SLC25A12: variants seen among roughly 807,000 people sequenced by gnomAD.
SLC25A12 encodes solute carrier family 25 member 12.
Under a neutral mutation model 83.3 loss-of-function variants are expected in SLC25A12, and 32 were observed. That is an observed-to-expected ratio of 0.38 (90% confidence interval 0.29 to 0.52). SLC25A12 has a LOEUF of 0.52. SLC25A12 is among the 20% of genes least tolerant of loss of function. The pLI is 0.84. For missense variants in SLC25A12, 611 were observed against 835.6 expected, an observed-to-expected ratio of 0.73 and a Z score of 3.31; for synonymous variants, 267 against 291.1, an observed-to-expected ratio of 0.92 and a Z score of 0.84.
At chr2:171,821,026 T>G (rs1684178281) in intron 9 of SLC25A12, among the ~76,000 whole-genome samples, 2 of 126,230 alleles carry the variant, frequency 1.6e-5, no homozygotes, top group Non-Finnish European at 3.4e-5. Context: ...TCTTTTTTTT[T>G]TTTTTTTTTT....
intron 4 of SLC25A12, chr2:171,845,784 G>A (rs1490667093): frequency 4.4e-6 from 2 of 455,186 alleles, no homozygotes; most frequent in Admixed American, 2.4e-5. Flanking sequence ...AAAGTTGGAA[G>A]AAGGCATTGG....
intron 13 of SLC25A12, among the ~76,000 whole-genome samples, chr2:171,796,660 T>C (rs1683603334): frequency 1.3e-5 from 2 of 151,908 alleles, no homozygotes; most frequent in African/African-American, 4.8e-5. Flanking sequence ...TTTTTTTTAG[T>C]AATTAGTATA....
chr2:171,892,205 A>T (rs779509469), intron 2 of SLC25A12, among the ~76,000 whole-genome samples: 2 of 150,702 alleles, frequency 1.3e-5, no homozygotes, highest in Non-Finnish European at 2.9e-5. Context: ...TTGGTGAAAC[A>T]CCTTAGCTTG....
chr2:171,864,618 C>T (rs749524522), intron 3 of SLC25A12, among the ~76,000 whole-genome samples: 2 of 152,176 alleles, frequency 1.3e-5, no homozygotes, highest in Admixed American at 6.5e-5. Flanking sequence ...CGCACACACA[C>T]GCCCCTTAAT....
chr2:171,871,716 C>T (rs1685461651), intron 2 of SLC25A12: 1 of 985,000 alleles, frequency 1.0e-6, no homozygotes, highest in South Asian at 4.7e-5. Context: ...TCAGGAATAG[C>T]ACAGATCAGA....
At chr2:171,807,425 C>T (rs1260099547) in intron 13 of SLC25A12, among the ~76,000 whole-genome samples, 1 of 152,202 alleles carries the variant, frequency 6.6e-6, no homozygotes, top group Non-Finnish European at 1.5e-5. Flanking sequence ...AGGAACTAAA[C>T]ATCTTATTTT....
At chr2:171,827,076 G>A (rs1684317958) in intron 8 of SLC25A12, among the ~76,000 whole-genome samples, 194 bp from the exon 9 acceptor site, 1 of 152,112 alleles carries the variant, frequency 6.6e-6, no homozygotes, top group Admixed American at 6.6e-5. Context: ...AAAGACTCCA[G>A]AGAAATAATG....
intron 4 of SLC25A12, among the ~76,000 whole-genome samples, chr2:171,846,733 G>A (rs1013047761): frequency 1.2e-4 from 19 of 152,162 alleles, no homozygotes; most frequent in African/African-American, 3.6e-4. Context: ...TTGAACTCGG[G>A]AGGCGGAGGT....
intron 2 of SLC25A12, among the ~76,000 whole-genome samples, chr2:171,873,683 T>C (rs1685504650): frequency 6.6e-6 from 1 of 152,118 alleles, no homozygotes; most frequent in South Asian, 2.1e-4. Context: ...AGGCAATCGA[T>C]TTCTTATGTA....
intron 2 of SLC25A12, among the ~76,000 whole-genome samples, chr2:171,873,830 G>A (rs577628545): frequency 5.9e-5 from 9 of 151,896 alleles, no homozygotes; most frequent in East Asian, 1.9e-4. Flanking sequence ...TATTTATACC[G>A]TCCTATACAT....
chr2:171,792,735 G>A (rs934568089), intron 14 of SLC25A12, among the ~76,000 whole-genome samples: 1 of 152,178 alleles, frequency 6.6e-6, no homozygotes, highest in Non-Finnish European at 1.5e-5. Flanking sequence ...GAAATTGGGA[G>A]TGGGGAGGAG....
rs1325089693 is a variant in SLC25A12, at chr2:171,878,343, GAC to G, written c.67-9522_67-9521del. Among the ~76,000 whole-genome samples the G allele has an allele frequency of 1.3e-4, 20 of 152,294 alleles. No homozygotes were observed. The East Asian group carries it at 3.5e-3, about 26-fold the overall frequency. ...TGCTGTCCTATTGTGAGGCAAAAAT[GAC>G]ACCTTGAACACCAAAGTACTTCAAA... On this transcript the variant is annotated intron_variant, in intron 2 of 17. Coordinates refer to ENST00000422440, the MANE Select transcript of SLC25A12 (RefSeq NM_003705.5).
intron 2 of SLC25A12, among the ~76,000 whole-genome samples, chr2:171,887,841 G>C (rs983331050): frequency 2.6e-5 from 4 of 152,166 alleles, no homozygotes; most frequent in Non-Finnish European, 5.9e-5. Context: ...TGGCAGAGTG[G>C]AGGTGGGCAG....
At chr2:171,893,317 T>G in intron 1 of SLC25A12, 59 bp from the exon 2 acceptor site, 22 of 1,415,856 alleles carry the variant, frequency 1.6e-5, no homozygotes, top group Non-Finnish European at 2.1e-5. Context: ...ACACAATCTC[T>G]TCAGATTAGA....
intron 1 of SLC25A12, 93 bp from the exon 2 acceptor site, chr2:171,893,351 C>T: frequency 1.9e-6 from 2 of 1,050,862 alleles, no homozygotes; most frequent in Non-Finnish European, 3.0e-6. Context: ...ACAATCAATG[C>T]TCCTATCTTT....
chr2:171,820,713 GC>G (rs1319436561), intron 9 of SLC25A12, among the ~76,000 whole-genome samples: 1 of 117,930 alleles, frequency 8.5e-6, no homozygotes, highest in African/African-American at 2.9e-5. Flanking sequence ...GGGCGACAGA[GC>G]GAGACTCCGT....
chr2:171,858,868 A>G (rs1685094966), intron 3 of SLC25A12, among the ~76,000 whole-genome samples: 1 of 152,206 alleles, frequency 6.6e-6, no homozygotes, highest in Admixed American at 6.5e-5. Context: ...TAGGTTTCCA[A>G]TTAAGTAGCC....
At chr2:171,803,008 T>C (rs565464866) in intron 13 of SLC25A12, among the ~76,000 whole-genome samples, 1 of 152,034 alleles carries the variant, frequency 6.6e-6, no homozygotes, top group South Asian at 2.1e-4. Flanking sequence ...CATATGTCTA[T>C]GCATAAGAGC....
At chr2:171,888,844 A>T (rs1487773946) in intron 2 of SLC25A12, among the ~76,000 whole-genome samples, 1 of 151,680 alleles carries the variant, frequency 6.6e-6, no homozygotes, top group Non-Finnish European at 1.5e-5. Flanking sequence ...GTGAACTTAA[A>T]CAGTTAATGC....
Sources: gnomAD v4.1 joint callset for allele counts (sites outside exome capture counted in the v4.1 genomes callset) on GRCh38, gnomAD v4.1.1 for gene constraint, MANE v1.5 for transcripts, NCBI Gene and HGNC (gene_info 2026-07-23, HGNC 2026-07-21) for gene names.